The following SMYD3 variants were observed in gnomAD, a reference collection of about 807,000 sequenced individuals.
SMYD3 encodes the protein histone-lysine N-methyltransferase SMYD3.
Under a neutral mutation model 57.7 loss-of-function variants are expected in SMYD3, and 36 were observed. The observed-to-expected ratio is 0.62, with a 90% CI of 0.48 to 0.82. The LOEUF (loss-of-function observed/expected upper bound fraction) is 0.82. Among genes scored for constraint, SMYD3 ranks in the 40% least tolerant of loss-of-function variants. The pLI is 0.00. For missense variants in SMYD3, 515 were observed against 538.8 expected (o/e 0.96, Z 0.44); for synonymous variants, 211 against 195.0 (o/e 1.08, Z -0.68).
At chr1:245,891,366 C>T (rs2053376120) in intron 8 of SMYD3, among the ~76,000 whole-genome samples, 1 of 152,088 alleles carries the variant, frequency 6.6e-6, no homozygotes, top group Non-Finnish European at 1.5e-5. Flanking sequence ...ACTCTGTAGC[C>T]ATAAACATTC....
At chr1:245,959,567 T>C (rs928582327) in intron 5 of SMYD3, among the ~76,000 whole-genome samples, 47 of 152,194 alleles carry the variant, frequency 3.1e-4, no homozygotes, top group African/African-American at 8.4e-4. Context: ...ACCAACTAGA[T>C]GGTCTGTTAA....
chr1:245,855,331 G>GT (rs1188528922), intron 10 of SMYD3, among the ~76,000 whole-genome samples: 1 of 151,448 alleles, frequency 6.6e-6, no homozygotes, highest in South Asian at 2.1e-4. Flanking sequence ...GCTGGGGGGG[G>GT]AATTTATAGC....
At chr1:246,282,311 A>C (rs2064463295) in intron 5 of SMYD3, among the ~76,000 whole-genome samples, 2 of 33,156 alleles carry the variant, frequency 6.0e-5, no homozygotes, top group African/African-American at 1.5e-4. Context: ...TCTACAAAAA[A>C]AAAAAAAAAA....
intron 10 of SMYD3, among the ~76,000 whole-genome samples, chr1:245,791,952 T>TTGTGTGTGTGTGTGTGTGTGTGTG (rs59018021): frequency 3.8e-4 from 55 of 146,228 alleles, no homozygotes; most frequent in African/African-American, 1.2e-3. Context: ...AATTTTAAAC[T>TTGTGTGTGTGTGTGTGTGTGTGTG]TGTGTGTGTG....
At chr1:246,193,444 T>G (rs2062773085) in intron 5 of SMYD3, among the ~76,000 whole-genome samples, 1 of 152,184 alleles carries the variant, frequency 6.6e-6, no homozygotes, top group Admixed American at 6.5e-5. Context: ...TGTATGATCT[T>G]TTACGTACCC....
chr1:246,245,516 A>G (rs2063688592), intron 5 of SMYD3, among the ~76,000 whole-genome samples: 1 of 152,190 alleles, frequency 6.6e-6, no homozygotes, highest in South Asian at 2.1e-4. Flanking sequence ...CTCTTTTATT[A>G]AGAAAGAGGC....
At chr1:246,016,861 T>C (rs1248024893) in intron 5 of SMYD3, among the ~76,000 whole-genome samples, 1 of 152,096 alleles carries the variant, frequency 6.6e-6, no homozygotes, top group South Asian at 2.1e-4. Context: ...TCAGCCAATG[T>C]GTGGCCATTC....
At chr1:246,491,470 G>A (rs898759482) in intron 1 of SMYD3, among the ~76,000 whole-genome samples, 2 of 151,924 alleles carry the variant, frequency 1.3e-5, no homozygotes, top group Admixed American at 6.6e-5. Flanking sequence ...AACCCAGGAG[G>A]TGGAGGTGGC....
chr1:246,097,987 G>C (rs1573018034), intron 5 of SMYD3, among the ~76,000 whole-genome samples: 1 of 152,032 alleles, frequency 6.6e-6, no homozygotes, highest in African/African-American at 2.4e-5. Context: ...CCTTAGTTTT[G>C]TCGTAGTGTT....
chr1:246,233,098 A>G (rs571197316), intron 5 of SMYD3, among the ~76,000 whole-genome samples: 5 of 126,186 alleles, frequency 4.0e-5, no homozygotes, highest in South Asian at 3.4e-4. Flanking sequence ...GAGGAGAAGC[A>G]CTCCTTCAAT....
At chr1:246,455,724 C>T (rs898032421) in intron 1 of SMYD3, among the ~76,000 whole-genome samples, 2 of 152,246 alleles carry the variant, frequency 1.3e-5, no homozygotes, top group Admixed American at 6.5e-5. Flanking sequence ...CAGGCTATTT[C>T]ATGCCTCAAA....
chr1:246,164,191 C>G (rs1238983534), intron 5 of SMYD3, among the ~76,000 whole-genome samples: 2 of 152,136 alleles, frequency 1.3e-5, no homozygotes, highest in Admixed American at 6.5e-5. Context: ...GAGGCCAAGG[C>G]AGGCAGATTG....
chr1:245,920,236 T>C lies in SMYD3; in HGVS notation c.703-4596A>G, dbSNP rs561554893. 3.4e-3 allele frequency among the ~76,000 whole-genome samples: 501 copies of C among 145,944 alleles called. 2 individuals are homozygous for C. The highest frequency in any genetic ancestry group is 0.014 in the Middle Eastern group (4 of 280). ...GCAGAGGCAGGAGGATGGCGTGAAC[T>C]CGGGAGGCGGAGCTTGCAGTGAGAC... On this transcript the variant is annotated intron_variant, in intron 7 of 11. Transcript: ENST00000490107.
At chr1:246,187,017 T>C in intron 5 of SMYD3, 11 of 801,862 alleles carry the variant, frequency 1.4e-5, no homozygotes, top group Non-Finnish European at 1.5e-5. Context: ...AAAGTAGGTG[T>C]GATGTGCTAG....
intron 5 of SMYD3, among the ~76,000 whole-genome samples, chr1:246,291,927 T>C (rs1348717581): frequency 1.3e-3 from 143 of 113,036 alleles, no homozygotes; most frequent in Middle Eastern, 6.3e-3. Context: ...TACTATCCAA[T>C]ACACCAGCAT....
intron 7 of SMYD3, among the ~76,000 whole-genome samples, chr1:245,924,894 C>T (rs558760578): frequency 1.4e-4 from 22 of 152,030 alleles, no homozygotes; most frequent in South Asian, 6.2e-4. Context: ...AAACTCCTGA[C>T]CTCAAGTGAT....
At chr1:245,790,333 T>C (rs532478940) in intron 10 of SMYD3, among the ~76,000 whole-genome samples, 1 of 152,286 alleles carries the variant, frequency 6.6e-6, no homozygotes, top group East Asian at 1.9e-4. Flanking sequence ...GAGGAATGAA[T>C]GAATGAATGA....
chr1:246,288,274 A>G (rs2064614315), intron 5 of SMYD3, among the ~76,000 whole-genome samples: 1 of 151,842 alleles, frequency 6.6e-6, no homozygotes, highest in Admixed American at 6.6e-5. Context: ...GGGTTTCACC[A>G]TGTTGGTCAG....
chr1:246,049,046 C>G (rs1317411643), intron 5 of SMYD3, among the ~76,000 whole-genome samples: 1 of 152,026 alleles, frequency 6.6e-6, no homozygotes, highest in Non-Finnish European at 1.5e-5. Context: ...AGCAGGCATG[C>G]AGCATTATGT....
Sources: gnomAD v4.1 joint callset for allele counts (sites outside exome capture counted in the v4.1 genomes callset) on GRCh38, gnomAD v4.1.1 for gene constraint, MANE v1.5 for transcripts, NCBI Gene and HGNC (gene_info 2026-07-23, HGNC 2026-07-21) for gene names.